PAPPA2: variants seen among roughly 807,000 people sequenced by gnomAD.
PAPPA2 encodes pappalysin 2, also known as pappalysin-2.
PAPPA2 carries 86 observed loss-of-function variants against 176.4 expected under a neutral mutation model. The observed-to-expected ratio is 0.49, with a 90% CI of 0.41 to 0.58. PAPPA2 has a LOEUF of 0.58. PAPPA2 is among the 20% of genes least tolerant of loss of function. The probability of loss-of-function intolerance (pLI) is 0.00; values close to 1 mark genes in which losing one functional copy is unlikely to be tolerated. For synonymous variants in PAPPA2, 809 were observed against 852.2 expected, an observed-to-expected ratio of 0.95 and a Z score of 0.88; for missense variants, 2,073 against 2,256.9, an observed-to-expected ratio of 0.92 and a Z score of 1.65.
chr1:176,616,488 G>A lies in PAPPA2; in HGVS notation c.1991+20893G>A, dbSNP rs538079564. 19 of 825,868 alleles carry A rather than the reference G, an allele frequency of 2.3e-5. No individual in the cohort carries two copies. The East Asian group carries it at 5.6e-4, about 24-fold the overall frequency. The allele number at this position is 825,868 out of a possible 1,614,324, so 51.2% of individuals were successfully genotyped here. On this transcript the variant is annotated intron_variant, in intron 3 of 22. Coordinates refer to ENST00000367662, the MANE Select transcript of PAPPA2 (RefSeq NM_020318.3). ...CCCAAGGCCTACAATGCAATTAACA[G>A]CAATATAACAACCAGGTTCTTCACA...
chr1:176,540,038 T>C (rs993372874), intron 1 of PAPPA2, among the ~76,000 whole-genome samples: 55 of 152,198 alleles, frequency 3.6e-4, no homozygotes, highest in Admixed American at 7.2e-4. Flanking sequence ...CCTTCTTTAT[T>C]AGCAAGAAGA....
At chr1:176,826,355 A>T (rs865873079) in intron 21 of PAPPA2, among the ~76,000 whole-genome samples, 21 of 152,356 alleles carry the variant, frequency 1.4e-4, no homozygotes, top group African/African-American at 4.6e-4. Flanking sequence ...AGAGACCAAG[A>T]AAATGAGAGC....
At chr1:176,504,434 A>G (rs1015219864) in intron 1 of PAPPA2, among the ~76,000 whole-genome samples, 1 of 152,108 alleles carries the variant, frequency 6.6e-6, no homozygotes, top group African/African-American at 2.4e-5. Flanking sequence ...ATACACTATT[A>G]TGTTATCTTC....
At chr1:176,608,622 G>A (rs1381992895) in intron 3 of PAPPA2, among the ~76,000 whole-genome samples, 1 of 151,912 alleles carries the variant, frequency 6.6e-6, no homozygotes. Flanking sequence ...CTGTTTTATC[G>A]ACAGTGCAGT....
chr1:176,786,794 G>A (rs1294951657), intron 17 of PAPPA2, among the ~76,000 whole-genome samples: 2 of 152,180 alleles, frequency 1.3e-5, no homozygotes, highest in African/African-American at 4.8e-5. Context: ...TTCTTCTTAA[G>A]TGTGGATAAT....
intron 3 of PAPPA2, among the ~76,000 whole-genome samples, chr1:176,635,407 C>G (rs573554834): frequency 6.6e-6 from 1 of 152,032 alleles, no homozygotes; most frequent in East Asian, 1.9e-4. Flanking sequence ...AAAACATTGC[C>G]CTATATCTAC....
At chr1:176,768,206 TC>T (rs1431872686) in intron 15 of PAPPA2, among the ~76,000 whole-genome samples, 2 of 151,762 alleles carry the variant, frequency 1.3e-5, no homozygotes, top group East Asian at 3.9e-4. Context: ...CTTGTTACAT[TC>T]CCCCCACCCT....
At chr1:176,777,290 G>A (rs1035052736) in intron 17 of PAPPA2, among the ~76,000 whole-genome samples, 4 of 152,142 alleles carry the variant, frequency 2.6e-5, no homozygotes, top group African/African-American at 9.7e-5. Flanking sequence ...TTAGTAGACA[G>A]TATTTAGGGC....
intron 21 of PAPPA2, among the ~76,000 whole-genome samples, chr1:176,804,663 T>C (rs1571351997): frequency 6.6e-6 from 1 of 152,286 alleles, no homozygotes; most frequent in South Asian, 2.1e-4. Flanking sequence ...TTAGGGAAAG[T>C]ATTAGTTTCC....
In PAPPA2 at chr1:176,689,977, G is replaced by A. The variant is rs186244965; in HGVS notation, c.2138-160G>A. 6.0e-4 allele frequency among the ~76,000 whole-genome samples: 91 copies of A among 152,268 alleles called. 1 individual carries two copies. In the East Asian group the frequency reaches 0.012, roughly 20 times the overall value. ...GTATTAATTTGTTTAGAGGGTTTCT[G>A]TGGCAAGAAAGAAAAGCAATGACTG... On this transcript the variant is annotated intron_variant, in intron 4 of 22. Transcript: ENST00000367662.
At chr1:176,841,607 A>G (rs1317505514) in intron 22 of PAPPA2, among the ~76,000 whole-genome samples, 1 of 152,052 alleles carries the variant, frequency 6.6e-6, no homozygotes, top group Non-Finnish European at 1.5e-5. Context: ...ATTTTTTCTG[A>G]TGCTAGTTAT....
intron 21 of PAPPA2, among the ~76,000 whole-genome samples, chr1:176,828,469 A>T (rs1666943361): frequency 6.6e-6 from 1 of 151,348 alleles, no homozygotes; most frequent in South Asian, 2.1e-4. Context: ...AATATACTTT[A>T]TGTTACAGAT....
At chr1:176,574,592 G>A (rs1013790851) in intron 2 of PAPPA2, among the ~76,000 whole-genome samples, 11 of 152,194 alleles carry the variant, frequency 7.2e-5, no homozygotes, top group African/African-American at 2.7e-4. Context: ...TGAGAATGGG[G>A]CAGACTTGTC....
intron 17 of PAPPA2, among the ~76,000 whole-genome samples, chr1:176,786,610 C>G (rs1302234579): frequency 6.6e-6 from 1 of 152,212 alleles, no homozygotes; most frequent in African/African-American, 2.4e-5. Flanking sequence ...CATCTGAGTG[C>G]TCAGCCCAGG....
At chr1:176,829,579 G>C (rs986528071) in intron 21 of PAPPA2, among the ~76,000 whole-genome samples, 1 of 152,196 alleles carries the variant, frequency 6.6e-6, no homozygotes, top group Admixed American at 6.5e-5. Context: ...AGAGACGAAG[G>C]GAAGTTAAGG....
rs1192845502 is a variant in PAPPA2, at chr1:176,756,794, T to C, written c.4152-8872T>C. ...GTTACATAGGTATACATGTGCCATG[T>C]TGGTTTGCCGCACCCATCAACTCAT... On this transcript the variant is annotated intron_variant, in intron 14 of 22. Coordinates refer to ENST00000367662, the MANE Select transcript of PAPPA2 (RefSeq NM_020318.3). Among the ~76,000 whole-genome samples the C allele has an allele frequency of 2.6e-5, 4 of 152,122 alleles. 1 individual carries two copies. The highest frequency in any genetic ancestry group is 4.4e-5 in the Non-Finnish European group (3 of 68,026).
intron 19 of PAPPA2, among the ~76,000 whole-genome samples, chr1:176,792,230 A>G (rs1665209507): frequency 1.3e-5 from 2 of 152,252 alleles, no homozygotes; most frequent in Non-Finnish European, 2.9e-5. Context: ...GCTGATTTAT[A>G]GTCATGTTAA....
intron 4 of PAPPA2, among the ~76,000 whole-genome samples, chr1:176,674,792 C>A (rs1239851813): frequency 6.6e-6 from 1 of 150,870 alleles, no homozygotes; most frequent in East Asian, 1.9e-4. Flanking sequence ...GGTAGATACC[C>A]AGTAGTGGGA....
chr1:176,797,957 T>G (rs917602534), intron 20 of PAPPA2, among the ~76,000 whole-genome samples: 2 of 152,184 alleles, frequency 1.3e-5, no homozygotes, highest in South Asian at 4.1e-4. Flanking sequence ...GGCAAATGCT[T>G]GTAAAATTTC....
Sources: allele counts gnomAD v4.1 joint callset (sites outside exome capture counted in the v4.1 genomes callset), GRCh38; gene constraint gnomAD v4.1.1; transcripts MANE v1.5; gene names NCBI Gene and HGNC (gene_info 2026-07-23, HGNC 2026-07-21).